The following SCRIB variants were observed in gnomAD, a reference collection of about 807,000 sequenced individuals.
The protein encoded by SCRIB is scribble planar cell polarity protein, also known as protein scribble homolog.
A neutral mutation model predicts 170.0 loss-of-function variants in SCRIB; 72 were observed. The ratio of observed to expected loss-of-function variants is 0.42; its 90% CI spans 0.35 to 0.52. SCRIB has a LOEUF of 0.52. Among genes scored for constraint, SCRIB ranks in the 20% least tolerant of loss-of-function variants. The probability of loss-of-function intolerance (pLI) is 0.02; values close to 1 mark genes in which losing one functional copy is unlikely to be tolerated. For missense variants in SCRIB, 2,475 were observed against 2,338.5 expected (o/e 1.06, Z -1.20); for synonymous variants, 1,298 against 1,044.3 (o/e 1.24, Z -4.68).
In SCRIB at chr8:143,808,952, G is replaced by A. The variant is rs764402969; in HGVS notation, c.1772C>T (p.Ala591Val). 1.9e-6 allele frequency: 3 copies of A among 1,612,714 alleles called. No homozygotes were observed. The highest frequency in any genetic ancestry group is 3.3e-5 in the Admixed American group (2 of 60,000). ...CCTCCCGCCTGGCAGGGTCCAGGGG[G>A]CCTCAGGCTGCCCCTCCTCGATCTC... ...DREIEEGQPE[A>V]PWTLPGGRQR... Residue 591 changes from alanine to valine, a missense_variant, in exon 15 of 37, where the codon GCC becomes GTC. Ala to Val is a moderately conservative substitution (Grantham distance 64). Transcript: ENST00000356994.
chr8:143,791,596 C>T (rs1290234378), intron 35 of SCRIB, 70 bp downstream of exon 35: 96 of 1,519,932 alleles, frequency 6.3e-5, no homozygotes, highest in Non-Finnish European at 7.8e-5. Flanking sequence ...GGAGGCCCTG[C>T]GGGAGCGGAT....
At chr8:143,813,944 C>T in intron 2 of SCRIB, 48 bp from the exon 3 acceptor site, 1 of 1,591,532 alleles carries the variant, frequency 6.3e-7, no homozygotes, top group Non-Finnish European at 8.6e-7. Flanking sequence ...TGCAGGCCGT[C>T]TGCAGCCCCA....
Position 143,803,395 on chromosome 8 carries a change from G to A in SCRIB, c.3591C>T (p.Asp1197=), listed in dbSNP as rs565684617. ...LVCDGFEAST[D]AALEVSPGVI... is the part of the protein sequence containing the mutation. ...CGGGATCGCTAACCTCCAGGGCTGC[G>A]TCGGTGCTGGCCTCAAAGCCGTCAC... is the stretch of plus-strand genomic sequence containing the variant. The change falls in exon 24 of 37, where the codon GAC becomes GAT. Residue 1197 remains aspartate (D), a synonymous_variant. Coordinates refer to ENST00000356994, the MANE Select transcript of SCRIB (RefSeq NM_182706.5). 39 of 1,579,888 alleles carry A rather than the reference G, an allele frequency of 2.5e-5. No homozygotes were observed. The highest frequency in any genetic ancestry group is 2.2e-4 in the South Asian group (20 of 89,036).
Position 143,812,869 on chromosome 8 carries a change from G to A in SCRIB, c.735C>T (p.Leu245=), listed in dbSNP as rs745593240. The A allele has an allele frequency of 2.5e-6, 4 of 1,607,806 alleles. No individual in the cohort carries two copies. Among genetic ancestry groups the A allele is most frequent in the East Asian group, 2.2e-5 (1 of 44,884 alleles). The stretch of plus-strand genomic sequence containing the variant: ...GGTTCTGGGACAGCAGCAGGTCAGT[G>A]AGCAGCACCAGCCCGCCGAGCTCAG... The part of the protein sequence containing the change: ...LPAELGGLVL[L]TDLLLSQNLL... Residue 245 remains leucine, a synonymous_variant, in exon 8 of 37, where the codon CTC becomes CTT. Transcript: ENST00000356994.
rs1255162413 is a variant in SCRIB, at chr8:143,813,795, CCCCACCACAGGCT to C, written c.356+10_356+22del. On this transcript the variant is annotated intron_variant, in intron 3 of 36. Coordinates refer to ENST00000356994, the MANE Select transcript of SCRIB (RefSeq NM_182706.5). Reference sequence around the variant, plus strand: ...CTGTGGGACCCATAGCCCCTACCGACCCCACCACAGGCTGCCACCCACCTGGAGAGGGGGTTCC... The same window carrying C: ...CTGTGGGACCCATAGCCCCTACCGACGCCACCCACCTGGAGAGGGGGTTCC... 6.2e-7 allele frequency: 1 copy of C among 1,608,274 alleles called. No individual in the cohort carries two copies. Among genetic ancestry groups the C allele is most frequent in the Non-Finnish European group, 8.5e-7 (1 of 1,176,330 alleles).
intron 16 of SCRIB, 107 bp downstream of exon 16, chr8:143,807,443 TGA>T: frequency 1.1e-6 from 1 of 910,622 alleles, no homozygotes; most frequent in Admixed American, 1.7e-5. Flanking sequence ...AGAGCTCTTT[TGA>T]GAGGGATCTG....
At chr8:143,813,148 T>A (rs372183089) in intron 6 of SCRIB, 44 bp from the exon 7 acceptor site, 1 of 1,576,548 alleles carries the variant, frequency 6.3e-7, no homozygotes, top group Non-Finnish European at 8.6e-7. Context: ...AGGCAAAGCC[T>A]CCTGCTGCGC....
chr8:143,797,569 A>T (rs1380821695), intron 24 of SCRIB, among the ~76,000 whole-genome samples: 1 of 152,182 alleles, frequency 6.6e-6, no homozygotes, highest in Non-Finnish European at 1.5e-5. Flanking sequence ...GCAGGGGGAA[A>T]CCTGGCTGAC....
intron 24 of SCRIB, among the ~76,000 whole-genome samples, chr8:143,800,232 C>T (rs868943142): frequency 1.3e-5 from 2 of 152,200 alleles, no homozygotes; most frequent in Admixed American, 6.5e-5. Context: ...TGAACCAACC[C>T]TACTTAGCAG....
In SCRIB at chr8:143,804,137, G is replaced by A. The variant is rs782693198; in HGVS notation, c.3029C>T (p.Ala1010Val). 3.1e-6 allele frequency: 5 copies of A among 1,610,956 alleles called. No individual in the cohort carries two copies. Among genetic ancestry groups the A allele is most frequent in the East Asian group, 2.2e-5 (1 of 44,834 alleles). ...AATACTAAGCCCCAGAGGGCCCCCA[G>A]CTCTTGGCAGACGGATCTCCTGGGG... ...YPVEEIRLPR[A>V]GGPLGLSIVG... is the part of the protein sequence containing the mutation. Residue 1010 changes from alanine (A) to valine (V), a missense_variant, in exon 22 of 37, where the codon GCT (alanine) becomes GTT (valine). Ala to Val is a moderately conservative substitution (Grantham distance 64). Coordinates refer to ENST00000356994, the MANE Select transcript of SCRIB (RefSeq NM_182706.5).
intron 35 of SCRIB, 86 bp from the exon 36 acceptor site, chr8:143,791,526 CCA>C (rs2129976582): frequency 3.1e-6 from 5 of 1,588,850 alleles, no homozygotes; most frequent in Non-Finnish European, 3.4e-6. Flanking sequence ...GCCCTGAGGC[CCA>C]CAGAGCCCGG....
Position 143,810,998 on chromosome 8 carries a change from G to A in SCRIB, c.1181C>T (p.Pro394Leu). The change falls in exon 11 of 37, where the codon CCC becomes CTC. Residue 394 changes from proline to leucine, a missense_variant. Coordinates refer to ENST00000356994, the MANE Select transcript of SCRIB (RefSeq NM_182706.5). ...ATCCTCCGTCTGGAACCGGAGCATG[G>A]GCTGCGCCTGGTTCTCTGCCAGCCA... ...ALWLAENQAQPMLRFQTEDDA... is the reference protein window; with the variant it reads ...ALWLAENQAQLMLRFQTEDDA... 6.2e-7 allele frequency: 1 copy of A among 1,611,340 alleles called. No homozygotes were observed. Among genetic ancestry groups the A allele is most frequent in the Non-Finnish European group, 8.5e-7 (1 of 1,179,318 alleles).
At position 143,800,028 on chromosome 8, in the gene SCRIB, G is replaced by GC. The variant is rs139869955; in HGVS notation, c.3603+3354dup. On this transcript the variant is annotated intron_variant, in intron 24 of 36. Coordinates refer to ENST00000356994, the MANE Select transcript of SCRIB (RefSeq NM_182706.5). ...AAATGGGGAAGGGTCATGAATTGAA[G>GC]CCCCCCCCCCACCCCACCCATGCTC... 6.6e-3 allele frequency among the ~76,000 whole-genome samples: 838 copies of GC among 127,030 alleles called. 3 individuals are homozygous for GC. The highest frequency in any genetic ancestry group is 0.029 in the Middle Eastern group (7 of 244). The allele number at this position is 127,030 out of a possible 152,430, so 83.3% of individuals were successfully genotyped here. A position where few individuals can be genotyped will look rare whatever the true frequency, so the allele number is the denominator to read the frequency against.
intron 16 of SCRIB, among the ~76,000 whole-genome samples, 154 bp downstream of exon 16, chr8:143,807,398 G>A (rs1815476509): frequency 6.6e-6 from 1 of 152,214 alleles, no homozygotes; most frequent in South Asian, 2.1e-4. Flanking sequence ...GCCCCAGGCA[G>A]GAGGTGTCCT....
Position 143,791,025 on chromosome 8 carries a change from G to A in SCRIB, c.*138C>T, listed in dbSNP as rs1465852200. The A allele has an allele frequency of 1.1e-6, 1 of 873,710 alleles. No individual in the cohort carries two copies. The highest frequency in any genetic ancestry group is 1.5e-6 in the Non-Finnish European group (1 of 646,800). 54.1% of individuals were successfully genotyped at this position (873,710 alleles called of 1,614,324 possible). Reference sequence around the variant, plus strand: ...CTCGCCGAGGTCTCGGCTGGGGTGGGGCAGTTAGTTAGTCACAGGCCAGAA... The same window carrying A: ...CTCGCCGAGGTCTCGGCTGGGGTGGAGCAGTTAGTTAGTCACAGGCCAGAA... On this transcript the variant is annotated 3_prime_UTR_variant, in exon 37 of 37. Transcript: ENST00000356994.
chr8:143,795,388 CCCTGGGG>C, intron 25 of SCRIB, 25 bp downstream of exon 25: 2 of 1,612,722 alleles, frequency 1.2e-6, no homozygotes, highest in African/African-American at 2.7e-5. Context: ...GGCTCCCTGG[CCCTGGGG>C]CTGCCGGCTG....
chr8:143,801,341 C>T (rs1554634953), intron 24 of SCRIB, among the ~76,000 whole-genome samples: 1 of 152,220 alleles, frequency 6.6e-6, no homozygotes, highest in Non-Finnish European at 1.5e-5. Context: ...ACAAGCGAGA[C>T]CTCATCAAAG....
At chr8:143,807,481 G>T in intron 16 of SCRIB, 71 bp downstream of exon 16, 1 of 1,229,518 alleles carries the variant, frequency 8.1e-7, no homozygotes, top group Non-Finnish European at 1.2e-6. Context: ...GGCGGGGAGA[G>T]GCGTGAGCCC....
chr8:143,791,602 C>T (rs972755047), intron 35 of SCRIB, 64 bp downstream of exon 35: 40 of 1,513,120 alleles, frequency 2.6e-5, no homozygotes, highest in Admixed American at 1.2e-4. Context: ...CCTGCGGGAG[C>T]GGATGGGGGC....
Sources: gnomAD v4.1 joint callset for allele counts (sites outside exome capture counted in the v4.1 genomes callset) on GRCh38, gnomAD v4.1.1 for gene constraint, MANE v1.5 for transcripts, NCBI Gene and HGNC (gene_info 2026-07-23, HGNC 2026-07-21) for gene names.